PCDHA4: variants seen among roughly 807,000 people sequenced by gnomAD.
PCDHA4 encodes the protein protocadherin alpha 4, also known as protocadherin alpha-4.
A neutral mutation model predicts 61.4 loss-of-function variants in PCDHA4; 49 were observed. The observed-to-expected ratio is 0.80, with a 90% confidence interval of 0.63 to 1.01. PCDHA4 has a LOEUF of 1.01. Ranked by LOEUF, PCDHA4 falls within the 50% of genes least tolerant of loss-of-function variation. PCDHA4 has a pLI of 0.00. For synonymous variants in PCDHA4, 590 were observed against 550.3 expected, an observed-to-expected ratio of 1.07 and a Z score of -1.01; for missense variants, 1,254 against 1,235.8, an observed-to-expected ratio of 1.01 and a Z score of -0.22.
At chr5:140,957,531 G>A (rs2095365025) in intron 1 of PCDHA4, among the ~76,000 whole-genome samples, 1 of 152,080 alleles carries the variant, frequency 6.6e-6, no homozygotes, top group Non-Finnish European at 1.5e-5. Flanking sequence ...ATTCAGTGGG[G>A]ATCTTAGAAA....
At chr5:140,962,786 A>G (rs1377248587) in intron 1 of PCDHA4, among the ~76,000 whole-genome samples, 6 of 152,216 alleles carry the variant, frequency 3.9e-5, no homozygotes, top group African/African-American at 1.4e-4. Context: ...ATTTTTAAAA[A>G]CTACTTTGGA....
intron 1 of PCDHA4, chr5:140,850,407 G>A (rs2150482736): frequency 6.3e-7 from 1 of 1,597,938 alleles, no homozygotes; most frequent in Admixed American, 1.7e-5. Flanking sequence ...GCGTGCCCTG[G>A]ACGAAACGGA....
chr5:140,843,822 A>G (rs1455613336), intron 1 of PCDHA4: 2 of 1,214,208 alleles, frequency 1.6e-6, no homozygotes, highest in African/African-American at 1.5e-5. Flanking sequence ...GTGAAAATTT[A>G]AACATTGTTT....
chr5:140,828,954 T>C, intron 1 of PCDHA4: 2 of 1,614,236 alleles, frequency 1.2e-6, no homozygotes, highest in South Asian at 1.1e-5. Context: ...GTTGCAGCCA[T>C]GGTTATTGAC....
chr5:140,896,959 T>C (rs1486927062), intron 1 of PCDHA4, among the ~76,000 whole-genome samples: 1 of 152,204 alleles, frequency 6.6e-6, no homozygotes, highest in Non-Finnish European at 1.5e-5. Context: ...CCTTAAACAT[T>C]TATTCTTTGC....
chr5:140,856,858 AGG>A, intron 1 of PCDHA4: 1 of 1,594,634 alleles, frequency 6.3e-7, no homozygotes, highest in Non-Finnish European at 8.6e-7. Context: ...ATTCGGATGA[AGG>A]AATAAACAAG....
chr5:140,867,686 C>CT, intron 1 of PCDHA4: 1 of 152,084 alleles, frequency 6.6e-6, no homozygotes, highest in Middle Eastern at 3.4e-3. Flanking sequence ...GTTGCATCTT[C>CT]TTTTTTTCCT....
At chr5:140,862,894 TTGTC>T (rs782757160) in intron 1 of PCDHA4, 2 of 559,636 alleles carry the variant, frequency 3.6e-6, no homozygotes, top group East Asian at 4.8e-5. Flanking sequence ...AACGACAACT[TTGTC>T]TGCGCTGCTG....
chr5:140,978,642 C>T (rs140934683), intron 1 of PCDHA4, among the ~76,000 whole-genome samples: 126 of 152,354 alleles, frequency 8.3e-4, no homozygotes, highest in African/African-American at 2.8e-3. Context: ...TCAAAGCAGA[C>T]TGTTCTTCCC....
chr5:140,827,185 C>G (rs1368140557), intron 1 of PCDHA4, among the ~76,000 whole-genome samples: 1 of 151,946 alleles, frequency 6.6e-6, no homozygotes, highest in Non-Finnish European at 1.5e-5. Flanking sequence ...AAGTCTTATT[C>G]AAAACTTGGA....
chr5:140,848,894 C>G (rs1562450529), intron 1 of PCDHA4: 3 of 1,604,178 alleles, frequency 1.9e-6, no homozygotes, highest in Non-Finnish European at 2.6e-6. Context: ...CTCCAGTGTT[C>G]CCAGCGACAC....
chr5:140,809,051 T>C lies in PCDHA4; in HGVS notation c.1864T>C (p.Phe622Leu), dbSNP rs1764347128. ...QPGTGGARIP[F>L]RVGLYTGEIS... Reference sequence around the variant, plus strand: ...GGGGACTGGTGGCGCGCGCATCCCGTTCCGCGTGGGGCTGTACACTGGCGA... The same window carrying C: ...GGGGACTGGTGGCGCGCGCATCCCGCTCCGCGTGGGGCTGTACACTGGCGA... Residue 622 changes from phenylalanine (F) to leucine (L), a missense_variant, in exon 1 of 4, where the codon TTC becomes CTC. By Grantham distance (22) the Phe-to-Leu change is conservative. Coordinates refer to ENST00000530339, the MANE Select transcript of PCDHA4 (RefSeq NM_018907.4). 1 of 1,613,758 alleles carries C rather than the reference T, an allele frequency of 6.2e-7. No individual in the cohort carries two copies. Among genetic ancestry groups the C allele is most frequent in the Non-Finnish European group, 8.5e-7 (1 of 1,179,878 alleles).
Position 141,009,626 on chromosome 5 carries a change from G to C in PCDHA4, c.2534-1G>C, listed in dbSNP as rs782621388. The C allele has an allele frequency of 1.9e-6, 3 of 1,612,816 alleles. No individual in the cohort carries two copies. Among genetic ancestry groups the C allele is most frequent in the Non-Finnish European group, 2.5e-6 (3 of 1,179,228 alleles). On this transcript the variant is annotated splice_acceptor_variant, in intron 3 of 3. Transcript: ENST00000530339. LOFTEE classifies it high-confidence loss of function. ...ATGATTTGTAATGTTTTGTCTTTCA[G>C]AACCAGAGGCAGGAGAAGTGTCCCC...
rs1554124212 is a variant in PCDHA4 at position 140,807,703 on chromosome 5, G to A, written c.516G>A (p.Leu172=). The A allele has an allele frequency of 1.2e-6, 2 of 1,614,208 alleles. No individual in the cohort carries two copies. The highest frequency in any genetic ancestry group is 1.1e-5 in the South Asian group (1 of 91,082). Residue 172 remains leucine, a synonymous_variant, in exon 1 of 4, where the codon CTG becomes CTA. Transcript: ENST00000530339. ...AGAACGCCCTGCTCACTTACAGACT[G>A]AGCCCAAATGAATACTTTTCTCTGG... ...IGENALLTYR[L]SPNEYFSLEK...
intron 1 of PCDHA4, chr5:140,966,896 C>G (rs910624863): frequency 6.3e-6 from 10 of 1,596,816 alleles, no homozygotes; most frequent in Non-Finnish European, 8.5e-6. Flanking sequence ...GGCCTCCCAG[C>G]TGCGATACTC....
At chr5:140,816,574 A>G (rs1442058742) in intron 1 of PCDHA4, 2 of 150,942 alleles carry the variant, frequency 1.3e-5, no homozygotes, top group African/African-American at 4.9e-5. Context: ...CTGTTTTCTC[A>G]TATTCCTTAT....
At position 140,807,515 on chromosome 5, in the gene PCDHA4, G is replaced by A. The variant is rs1554124060; in HGVS notation, c.328G>A (p.Val110Ile). 6.8e-6 allele frequency: 11 copies of A among 1,613,912 alleles called. No individual in the cohort carries two copies. Among genetic ancestry groups the A allele is most frequent in the Non-Finnish European group, 9.3e-6 (11 of 1,179,954 alleles). The change falls in exon 1 of 4, where the codon GTA (valine) becomes ATA (isoleucine). Residue 110 changes from valine to isoleucine, a missense_variant. By Grantham distance (29) the Val-to-Ile change is conservative (BLOSUM62 3). Transcript: ENST00000530339. ...GTGCAGCATCCACCTGGAGGTGATC[G>A]TAGACAGGCCGCTGCAGGTTTTCCA... ...AECSIHLEVI[V>I]DRPLQVFHVD... is the part of the protein sequence containing the mutation.
At position 140,849,783 on chromosome 5, in the gene PCDHA4, G is replaced by C. The variant is rs2150449806; in HGVS notation, c.2385+40211G>C. ...CGAGCTGGTGGTTACCGCGCGGGAC[G>C]GGGGCTCGCCTTCACTGTGGGCCAC... On this transcript the variant is annotated intron_variant, in intron 1 of 3. Transcript: ENST00000530339. 832,668 of 1,597,604 alleles carry C rather than the reference G, an allele frequency of 0.52. 253,297 individuals carry two copies. The highest frequency in any genetic ancestry group is 0.62 in the South Asian group (55,951 of 90,512).
chr5:140,894,569 C>CT (rs556288790), intron 1 of PCDHA4, among the ~76,000 whole-genome samples: 36 of 151,446 alleles, frequency 2.4e-4, no homozygotes, highest in African/African-American at 7.5e-4. Context: ...AATTATTTTC[C>CT]TTTTTTTTAA....
Sources: allele counts gnomAD v4.1 joint callset (sites outside exome capture counted in the v4.1 genomes callset), GRCh38; gene constraint gnomAD v4.1.1; transcripts MANE v1.5; gene names NCBI Gene and HGNC (gene_info 2026-07-23, HGNC 2026-07-21).